DMD: variants seen among roughly 807,000 people sequenced by gnomAD.
DMD encodes the protein dystrophin.
DMD carries 63 observed loss-of-function variants against 330.1 expected under a neutral mutation model. The observed-to-expected ratio is 0.19, with a 90% CI of 0.16 to 0.24. DMD has a LOEUF of 0.24. Ranked by LOEUF, DMD falls within the 10% of genes least tolerant of loss-of-function variation. The probability of loss-of-function intolerance (pLI) is 1.00; values close to 1 mark genes in which losing one functional copy is unlikely to be tolerated. For synonymous variants in DMD, 1,223 were observed against 959.8 expected, an observed-to-expected ratio of 1.27 and a Z score of -5.07; for missense variants, 3,344 against 2,684.1, an observed-to-expected ratio of 1.25 and a Z score of -5.43.
At chrX:31,266,954 C>T (rs1017647933) in intron 62 of DMD, 44 of 1,081,658 alleles carry the variant, frequency 4.1e-5, no homozygotes, top group Non-Finnish European at 5.0e-5. Flanking sequence ...GAAAGCACTG[C>T]GGAGGAGCCG....
At chrX:32,481,364 C>T (rs1275583562) in intron 21 of DMD, among the ~76,000 whole-genome samples, 2 of 111,563 alleles carry the variant, frequency 1.8e-5, no homozygotes, top group Non-Finnish European at 1.9e-5. Context: ...TCTCCTCAGA[C>T]TTGTATTGCA....
intron 30 of DMD, among the ~76,000 whole-genome samples, chrX:32,392,001 T>G (rs1276470625): frequency 1.8e-5 from 2 of 111,849 alleles, no homozygotes; most frequent in East Asian, 5.7e-4. Context: ...CACACAATGC[T>G]TGTGTTAAGA....
At chrX:32,202,331 T>G (rs1376929899) in intron 44 of DMD, among the ~76,000 whole-genome samples, 1 of 112,142 alleles carries the variant, frequency 8.9e-6, no homozygotes, top group Non-Finnish European at 1.9e-5. Flanking sequence ...AAATCCATCT[T>G]AATCGCATTC....
intron 7 of DMD, among the ~76,000 whole-genome samples, chrX:32,796,258 G>A (rs952893078): frequency 9.0e-6 from 1 of 110,639 alleles, no homozygotes; most frequent in Non-Finnish European, 1.9e-5. Context: ...AAGAAAATGT[G>A]GTACATATAT....
chrX:33,312,016 A>T (rs1463758803), intron 1 of DMD, among the ~76,000 whole-genome samples: 1 of 109,934 alleles, frequency 9.1e-6, no homozygotes, highest in Non-Finnish European at 1.9e-5. Flanking sequence ...TTTTTTTTTT[A>T]GCAAGAGAAT....
intron 25 of DMD, among the ~76,000 whole-genome samples, chrX:32,457,391 T>G (rs1054570762): frequency 5.1e-4 from 57 of 110,749 alleles, no homozygotes; most frequent in African/African-American, 1.8e-3. Context: ...GAGATTGTTG[T>G]CCAATTGAGG....
At chrX:31,728,883 C>T (rs1447608343) in intron 52 of DMD, among the ~76,000 whole-genome samples, 2 of 111,145 alleles carry the variant, frequency 1.8e-5, no homozygotes, top group Admixed American at 9.6e-5. Context: ...CGAGAGAGAT[C>T]TGAGAGAACC....
intron 55 of DMD, among the ~76,000 whole-genome samples, chrX:31,600,114 G>A (rs952663392): frequency 1.8e-5 from 2 of 111,226 alleles, no homozygotes; most frequent in African/African-American, 6.5e-5. Flanking sequence ...TGCATTTTTT[G>A]TAGAGATGGG....
intron 7 of DMD, among the ~76,000 whole-genome samples, chrX:32,804,423 G>A (rs1054862274): frequency 4.4e-5 from 5 of 112,564 alleles, no homozygotes; most frequent in African/African-American, 1.6e-4. Context: ...TGCCTCTCTA[G>A]ATTCTTCCTC....
rs149822009 is a variant in DMD at position 32,977,060 on chromosome X, G to C, written c.93+43079C>G. 8.7e-3 allele frequency among the ~76,000 whole-genome samples: 975 copies of C among 111,574 alleles called. 38 individuals carry two copies. Among genetic ancestry groups the C allele is most frequent in the Admixed American group, 0.077 (804 of 10,422 alleles). On this transcript the variant is annotated intron_variant, in intron 2 of 78. Transcript: ENST00000357033. The stretch of plus-strand genomic sequence containing the variant: ...AATCCCAACACATTGGGAGTCCAAG[G>C]TGGGGCGGATCGCTTGAGGTCAGGA...
intron 44 of DMD, among the ~76,000 whole-genome samples, chrX:32,121,620 CATATATATATATAT>C (rs10535803): frequency 0.12 from 4,518 of 36,423 alleles, 248 homozygotes; most frequent in Middle Eastern, 0.21. Context: ...AATATGTGTG[CATATATATATATAT>C]ATATATATAT....
chrX:31,507,514 A>G, intron 55 of DMD, 61 bp from the exon 56 acceptor site: 1 of 1,080,130 alleles, frequency 9.3e-7, no homozygotes, highest in South Asian at 2.0e-5. Flanking sequence ...ACAAGCGATG[A>G]ATGTGAATTT....
intron 45 of DMD, among the ~76,000 whole-genome samples, chrX:31,937,582 C>A (rs73467934): frequency 9.0e-6 from 1 of 111,592 alleles, no homozygotes; most frequent in African/African-American, 3.2e-5. Flanking sequence ...CTTTTCCAAG[C>A]GCATGTGTTT....
At chrX:33,278,697 A>C (rs2053274653) in intron 1 of DMD, among the ~76,000 whole-genome samples, 1 of 111,238 alleles carries the variant, frequency 9.0e-6, no homozygotes, top group South Asian at 3.8e-4. Flanking sequence ...GTATAAACCC[A>C]GTAATGAGAT....
intron 1 of DMD, among the ~76,000 whole-genome samples, chrX:33,084,666 G>A (rs1457397822): frequency 1.8e-5 from 2 of 111,370 alleles, no homozygotes; most frequent in Non-Finnish European, 3.8e-5. Context: ...CTGATCTTAG[G>A]AGCAGTTTGG....
At chrX:32,947,229 T>C (rs1432927304) in intron 2 of DMD, among the ~76,000 whole-genome samples, 1 of 112,180 alleles carries the variant, frequency 8.9e-6, no homozygotes, top group Non-Finnish European at 1.9e-5. Context: ...AGAAAATCCA[T>C]CCAGTTTTCC....
rs950752222 is a variant in DMD at position 33,185,401 on chromosome X, C to T, written c.31+25881G>A. On this transcript the variant is annotated intron_variant, in intron 1 of 78. Transcript: ENST00000357033. ...GTGCTTCGGTTTTGTTTTTTAATCT[C>T]TAAAATGGGAAGTATTCTTTCCTCA... Among the ~76,000 whole-genome samples, 6 of 110,687 alleles carry T rather than the reference C, an allele frequency of 5.4e-5. 1 individual carries two copies. Among genetic ancestry groups the T allele is most frequent in the Admixed American group, 4.9e-4 (5 of 10,275 alleles).
intron 1 of DMD, among the ~76,000 whole-genome samples, chrX:33,236,258 C>T (rs1359063017): frequency 9.9e-6 from 1 of 100,844 alleles, no homozygotes; most frequent in Non-Finnish European, 2.0e-5. Flanking sequence ...TTGGCTTCTC[C>T]TTCCTTTTTT....
At chrX:32,755,629 T>C (rs2071412149) in intron 7 of DMD, among the ~76,000 whole-genome samples, 1 of 112,264 alleles carries the variant, frequency 8.9e-6, no homozygotes, top group South Asian at 3.6e-4. Flanking sequence ...TCAAACAATA[T>C]TCAATTATTT....
Sources: allele counts gnomAD v4.1 joint callset (sites outside exome capture counted in the v4.1 genomes callset), GRCh38; gene constraint gnomAD v4.1.1; transcripts MANE v1.5; gene names NCBI Gene and HGNC (gene_info 2026-07-23, HGNC 2026-07-21).